AGAP1: variants seen among roughly 807,000 people sequenced by gnomAD.
AGAP1 encodes ArfGAP with GTPase domain, ankyrin repeat and PH domain 1, also known as arf-GAP with GTPase, ANK repeat and PH domain-containing protein 1.
In AGAP1, 29 loss-of-function variants were observed where a neutral mutation model predicts 105.3. The ratio of observed to expected loss-of-function variants is 0.28; its 90% CI spans 0.21 to 0.38. AGAP1 has a LOEUF of 0.38. Among genes scored for constraint, AGAP1 ranks in the 10% least tolerant of loss-of-function variants. The pLI is 1.00. For missense variants in AGAP1, 998 were observed against 1,165.1 expected (o/e 0.86, Z 2.09); for synonymous variants, 509 against 485.9 (o/e 1.05, Z -0.63).
intron 11 of AGAP1, among the ~76,000 whole-genome samples, chr2:235,917,564 G>T (rs1036229984): frequency 3.9e-5 from 6 of 152,016 alleles, no homozygotes; most frequent in African/African-American, 1.4e-4. Flanking sequence ...GCTCTCCGCC[G>T]TGACAGGGAC....
At position 236,126,485 on chromosome 2, in the gene AGAP1, G is replaced by A. The variant is rs2060006415; in HGVS notation, c.*2363G>A. 6.6e-6 allele frequency: 1 copy of A among 152,122 alleles called. No homozygotes were observed. Among genetic ancestry groups the A allele is most frequent in the African/African-American group, 2.4e-5 (1 of 41,418 alleles). 9.4% of individuals were successfully genotyped at this position (152,122 alleles called of 1,614,324 possible). A position where few individuals can be genotyped will look rare whatever the true frequency, so the allele number is the denominator to read the frequency against. ...TTGAGAAGAAACGGAACTCCTTGAG[G>A]CTTCTCTTTGGGATGTATATGAGCG... On this transcript the variant is annotated 3_prime_UTR_variant, in exon 18 of 18. Coordinates refer to ENST00000304032, the MANE Select transcript of AGAP1 (RefSeq NM_001037131.3).
chr2:235,660,783 C>A lies in AGAP1; in HGVS notation c.164-48396C>A, dbSNP rs1947922811. Among the ~76,000 whole-genome samples, 1 of 152,122 alleles carries A rather than the reference C, an allele frequency of 6.6e-6. No homozygotes were observed. The highest frequency in any genetic ancestry group is 1.5e-5 in the Non-Finnish European group (1 of 68,024). ...TTTTCAGCATTGGAGCAGATGCTCC[C>A]CATACATCATCACATCTTATTGTCG... On this transcript the variant is annotated intron_variant, in intron 1 of 17. Transcript: ENST00000304032. The surrounding 1 kb of genome is among the most constrained non-coding windows in gnomAD (Gnocchi z 5.3).
chr2:235,550,814 G>T lies in AGAP1; in HGVS notation c.163+55965G>T, dbSNP rs1943782384. ...TTTTGAGATAGAGTCTCACTCTGTT[G>T]CCCAGGCTGGAGTGCAGTGGCACTG... On this transcript the variant is annotated intron_variant, in intron 1 of 17. Coordinates refer to ENST00000304032, the MANE Select transcript of AGAP1 (RefSeq NM_001037131.3). The surrounding 1 kb of genome is among the most constrained non-coding windows in gnomAD (Gnocchi z 4.6). Among the ~76,000 whole-genome samples the T allele has an allele frequency of 6.6e-6, 1 of 152,040 alleles. No individual in the cohort carries two copies. Among genetic ancestry groups the T allele is most frequent in the Admixed American group, 6.5e-5 (1 of 15,274 alleles).
At chr2:235,814,693 G>A (rs1958351011) in intron 9 of AGAP1, among the ~76,000 whole-genome samples, 1 of 152,146 alleles carries the variant, frequency 6.6e-6, no homozygotes, top group African/African-American at 2.4e-5. Flanking sequence ...GAGGGTGAGG[G>A]AAGGACAGGG....
intron 9 of AGAP1, among the ~76,000 whole-genome samples, chr2:235,807,638 C>T (rs916067514): frequency 1.3e-5 from 2 of 152,196 alleles, no homozygotes; most frequent in African/African-American, 2.4e-5. Context: ...GGCCGCGGGC[C>T]GCCGGGCAAC....
At chr2:235,972,740 C>G (rs565854558) in intron 13 of AGAP1, among the ~76,000 whole-genome samples, 5 of 152,330 alleles carry the variant, frequency 3.3e-5, no homozygotes, top group African/African-American at 1.2e-4. Flanking sequence ...ACAAAACCAA[C>G]AGAAGCCGTA....
At chr2:235,710,834 C>T (rs1286056975) in intron 2 of AGAP1, among the ~76,000 whole-genome samples, 4 of 152,194 alleles carry the variant, frequency 2.6e-5, no homozygotes, top group Non-Finnish European at 4.4e-5. Context: ...GGGCACGGAA[C>T]AGTAGTCACG....
intron 16 of AGAP1, among the ~76,000 whole-genome samples, chr2:236,110,602 C>T (rs1320666955): frequency 6.6e-6 from 1 of 152,106 alleles, no homozygotes; most frequent in African/African-American, 2.4e-5. Context: ...TGGCACATTG[C>T]AAATACTTGA....
At chr2:235,997,400 T>G (rs1473820717) in intron 13 of AGAP1, among the ~76,000 whole-genome samples, 1 of 152,242 alleles carries the variant, frequency 6.6e-6, no homozygotes, top group East Asian at 1.9e-4. Context: ...TGAAGATCTT[T>G]TAAAATATAA....
chr2:235,579,144 C>T (rs1312059586), intron 1 of AGAP1, among the ~76,000 whole-genome samples: 2 of 152,166 alleles, frequency 1.3e-5, no homozygotes, highest in African/African-American at 2.4e-5. Flanking sequence ...GGTTTACTGT[C>T]GTAAAACTTT....
In AGAP1 at chr2:236,108,028, GCCT is replaced by G. The variant is rs1441478370; in HGVS notation, c.2115-12155_2115-12153del. The stretch of plus-strand genomic sequence containing the variant: ...CCACTAGCATAAATCCTTGTCCACT[GCCT>G]CCTCCTCCCCGCATGCGGGATTTAC... On this transcript the variant is annotated intron_variant, in intron 16 of 17. Transcript: ENST00000304032. Among the ~76,000 whole-genome samples, 29 of 152,334 alleles carry G rather than the reference GCCT, an allele frequency of 1.9e-4. 1 individual carries two copies. Among genetic ancestry groups the G allele is most frequent in the Middle Eastern group, 3.4e-3 (1 of 294 alleles).
chr2:235,646,008 G>T (rs993197646), intron 1 of AGAP1, among the ~76,000 whole-genome samples: 3 of 152,070 alleles, frequency 2.0e-5, no homozygotes, highest in African/African-American at 7.2e-5. Flanking sequence ...CGGGCGCAGT[G>T]GTTCACACTT....
At chr2:235,679,618 G>A (rs903362859) in intron 1 of AGAP1, among the ~76,000 whole-genome samples, 15 of 152,168 alleles carry the variant, frequency 9.9e-5, no homozygotes, top group South Asian at 2.1e-4. Context: ...ATATGGATTC[G>A]TCTCATTCCT....
At chr2:235,996,427 G>GTT (rs2055818554) in intron 13 of AGAP1, among the ~76,000 whole-genome samples, 3 of 152,346 alleles carry the variant, frequency 2.0e-5, no homozygotes, top group Admixed American at 2.0e-4. Flanking sequence ...GTAGTTAAGA[G>GTT]AATAGTAAAC....
At chr2:235,820,829 G>A (rs1308503498) in intron 9 of AGAP1, among the ~76,000 whole-genome samples, 1 of 152,086 alleles carries the variant, frequency 6.6e-6, no homozygotes, top group African/African-American at 2.4e-5. Flanking sequence ...CTAAAGTATT[G>A]GAGATTTAAG....
intron 9 of AGAP1, among the ~76,000 whole-genome samples, chr2:235,837,665 A>G (rs1960327923): frequency 6.6e-6 from 1 of 152,226 alleles, no homozygotes; most frequent in Non-Finnish European, 1.5e-5. Context: ...ACAACAGCTC[A>G]CTAAATAAGT....
At chr2:235,935,970 C>G (rs2052967627) in intron 12 of AGAP1, among the ~76,000 whole-genome samples, 1 of 152,160 alleles carries the variant, frequency 6.6e-6, no homozygotes, top group Non-Finnish European at 1.5e-5. Context: ...CCTGGGTGAG[C>G]CTGGCCCGGC....
In AGAP1 at chr2:235,958,013, C is replaced by T. The variant is rs774363994; in HGVS notation, c.1484-10449C>T. ...AGTCAGCAGGGGCAGGGGGCCGATACATACGTGCTTAGCATTTTCCTCTCT... is the reference window on the plus strand; with the variant it reads ...AGTCAGCAGGGGCAGGGGGCCGATATATACGTGCTTAGCATTTTCCTCTCT... On this transcript the variant is annotated intron_variant, in intron 12 of 17. Transcript: ENST00000304032. The surrounding 1 kb of genome is among the most constrained non-coding windows in gnomAD (Gnocchi z 4.1). 6.6e-6 allele frequency among the ~76,000 whole-genome samples: 1 copy of T among 152,214 alleles called. No homozygotes were observed. The highest frequency in any genetic ancestry group is 1.5e-5 in the Non-Finnish European group (1 of 68,034).
At position 236,045,765 on chromosome 2, in the gene AGAP1, G is replaced by T. The variant is rs1426917905; in HGVS notation, c.1892-3294G>T. 6.6e-6 allele frequency among the ~76,000 whole-genome samples: 1 copy of T among 152,246 alleles called. No individual in the cohort carries two copies. Among genetic ancestry groups the T allele is most frequent in the African/African-American group, 2.4e-5 (1 of 41,466 alleles). On this transcript the variant is annotated intron_variant, in intron 15 of 17. Transcript: ENST00000304032. This position sits in a 1 kb window ranked among gnomAD's most constrained non-coding sequence, Gnocchi z 6.9. ...GTTGGGCCTTAAGGCATCTTTCAAGGAAATTGCAGTGGTGATGCTTAGATA... is the reference window on the plus strand; with the variant it reads ...GTTGGGCCTTAAGGCATCTTTCAAGTAAATTGCAGTGGTGATGCTTAGATA...
Sources: allele counts gnomAD v4.1 joint callset (sites outside exome capture counted in the v4.1 genomes callset), GRCh38; gene constraint gnomAD v4.1.1; non-coding constraint Gnocchi (gnomAD v3.1); transcripts MANE v1.5; gene names NCBI Gene and HGNC (gene_info 2026-07-23, HGNC 2026-07-21).